LAMA3: variants seen among roughly 807,000 people sequenced by gnomAD.
LAMA3 encodes laminin subunit alpha-3.
LAMA3 carries 281 observed loss-of-function variants against 402.0 expected under a neutral mutation model. That is an observed-to-expected ratio of 0.70 (90% CI 0.63 to 0.77). The LOEUF (loss-of-function observed/expected upper bound fraction) is 0.77. Ranked by LOEUF, LAMA3 falls within the 30% of genes least tolerant of loss-of-function variation. The probability of loss-of-function intolerance (pLI) is 0.00; values close to 1 mark genes in which losing one functional copy is unlikely to be tolerated. For synonymous variants in LAMA3, 1,431 were observed against 1,558.4 expected (o/e 0.92, Z 1.93); for missense variants, 3,840 against 4,215.5 (o/e 0.91, Z 2.47).
At chr18:23,718,185 G>C (rs1248409254) in intron 2 of LAMA3, among the ~76,000 whole-genome samples, 1 of 152,192 alleles carries the variant, frequency 6.6e-6, no homozygotes, top group Non-Finnish European at 1.5e-5. Context: ...GATCTCTCCC[G>C]TGAGATCGGA....
Position 23,946,224 on chromosome 18 carries a change from C to G in LAMA3, c.9291C>G (p.Asn3097Lys). The G allele has an allele frequency of 1.2e-6, 2 of 1,614,076 alleles. No individual in the cohort carries two copies. Among genetic ancestry groups the G allele is most frequent in the Non-Finnish European group, 1.7e-6 (2 of 1,179,984 alleles). Reference protein sequence around the residue: ...LRAREGSLPGNSTISIRAPVY... With the variant: ...LRAREGSLPGKSTISIRAPVY... The stretch of plus-strand genomic sequence containing the variant: ...CCCGGGAGGGAAGTTTGCCTGGAAA[C>G]TCCACCATCAGCATCAGAGCGCCAG... The change falls in exon 70 of 75, where the codon AAC (asparagine) becomes AAG (lysine). Residue 3097 changes from asparagine (N) to lysine (K), a missense_variant. Coordinates refer to ENST00000313654, the MANE Select transcript of LAMA3 (RefSeq NM_198129.4).
At chr18:23,730,144 T>TA (rs1234525359) in intron 2 of LAMA3, among the ~76,000 whole-genome samples, 1 of 152,202 alleles carries the variant, frequency 6.6e-6, no homozygotes, top group Non-Finnish European at 1.5e-5. Context: ...ACTAGAAGCA[T>TA]AGGGGCAAAT....
In LAMA3 at chr18:23,912,720, C is replaced by G. The variant is rs761158495; in HGVS notation, c.7168C>G (p.Pro2390Ala). The G allele has an allele frequency of 2.5e-6, 4 of 1,613,922 alleles. No individual in the cohort carries two copies. The South Asian group carries it at 3.3e-5, about 13-fold the overall frequency. Reference protein sequence around the residue: ...ARDAASKVAVPMRFNGKSGVE... With the variant: ...ARDAASKVAVAMRFNGKSGVE... ...AACTTACTCCTCACAGGTTGCTGTC[C>G]CCATGAGGTTCAATGGTAAATCTGG... The change falls in exon 56 of 75, where the codon CCC becomes GCC. Residue 2390 changes from proline (P) to alanine (A), a missense_variant. By Grantham distance (27) the Pro-to-Ala change is conservative. Coordinates refer to ENST00000313654, the MANE Select transcript of LAMA3 (RefSeq NM_198129.4).
At chr18:23,921,357 G>T in intron 61 of LAMA3, 95 bp from the exon 62 acceptor site, 1 of 1,346,452 alleles carries the variant, frequency 7.4e-7, no homozygotes, top group Non-Finnish European at 1.0e-6. Flanking sequence ...AATGAATCTG[G>T]GGGAAGATAA....
At chr18:23,897,533 C>T (rs2080915753) in intron 44 of LAMA3, among the ~76,000 whole-genome samples, 1 of 152,164 alleles carries the variant, frequency 6.6e-6, no homozygotes, top group Non-Finnish European at 1.5e-5. Context: ...GTCTCACAAC[C>T]TCCTCATGAG....
At chr18:23,762,369 A>T (rs1238226613) in intron 7 of LAMA3, among the ~76,000 whole-genome samples, 1 of 151,968 alleles carries the variant, frequency 6.6e-6, no homozygotes, top group Non-Finnish European at 1.5e-5. Context: ...CGGGCAGGTC[A>T]CTTGAGGTCA....
chr18:23,849,323 A>G (rs767231649), intron 32 of LAMA3, among the ~76,000 whole-genome samples: 2 of 152,222 alleles, frequency 1.3e-5, no homozygotes, highest in African/African-American at 4.8e-5. Flanking sequence ...AAATATTCCA[A>G]GTCTTTAAAA....
rs1181742615 is a variant in LAMA3, at chr18:23,915,298, C to T, written c.7654C>T (p.Arg2552Ter). The change falls in exon 59 of 75, where the codon CGA becomes TGA. Residue 2552 changes from arginine to a stop codon, truncating the protein, a stop_gained. Transcript: ENST00000313654. LOFTEE classifies it high-confidence loss of function. ...GYPPDFKLPS[R>*]LSFPPYKGCI... is the part of the protein sequence containing the mutation. ...TTTATTTCATTTTCAGCTTCCCAGT[C>T]GACTAAGTTTCCCTCCATACAAAGG... The T allele has an allele frequency of 3.1e-6, 5 of 1,613,414 alleles. No homozygotes were observed. The highest frequency in any genetic ancestry group is 1.3e-5 in the African/African-American group (1 of 74,898).
Position 23,951,745 on chromosome 18 carries a change from C to CT in LAMA3, c.9705dup (p.Leu3236SerfsTer3), listed in dbSNP as rs780052962. Reference sequence around the variant, plus strand: ...TCAACGTCGGTCACACCAAAGCAGTCTCTGTGTGATGGACAGTGGCACTCG... The same window carrying CT: ...TCAACGTCGGTCACACCAAAGCAGTCTTCTGTGTGATGGACAGTGGCACTCG... On this transcript the variant is annotated frameshift_variant, in exon 73 of 75. Transcript: ENST00000313654. LOFTEE classifies it high-confidence loss of function. 47 of 1,613,776 alleles carry CT rather than the reference C, an allele frequency of 2.9e-5. No individual in the cohort carries two copies. Among genetic ancestry groups the CT allele is most frequent in the Admixed American group, 1.5e-4 (9 of 59,994 alleles).
rs1302709811 is a variant in LAMA3, at chr18:23,918,941, C to T, written c.7924-1994C>T. ...GATGGTTTGGGAAGGTCCCAGCCAG[C>T]CTGAAGGATACATAGAGCAGAGAAG... On this transcript the variant is annotated intron_variant, in intron 60 of 74. Transcript: ENST00000313654. The surrounding 1 kb of genome is among the most constrained non-coding windows in gnomAD (Gnocchi z 4.1). Among the ~76,000 whole-genome samples, 1 of 152,222 alleles carries T rather than the reference C, an allele frequency of 6.6e-6. No individual in the cohort carries two copies. The highest frequency in any genetic ancestry group is 2.4e-5 in the African/African-American group (1 of 41,532).
chr18:23,692,067 C>T (rs1012749836), intron 1 of LAMA3, among the ~76,000 whole-genome samples: 3 of 152,174 alleles, frequency 2.0e-5, no homozygotes, highest in Admixed American at 6.5e-5. Context: ...TTGAAGTAAG[C>T]GAGGGGCCCT....
chr18:23,906,018 G>A (rs1451963942), intron 52 of LAMA3, among the ~76,000 whole-genome samples: 2 of 152,072 alleles, frequency 1.3e-5, no homozygotes, highest in Non-Finnish European at 2.9e-5. Flanking sequence ...TCCTGTCTCA[G>A]CTTCCCAAAA....
In LAMA3 at chr18:23,689,750, C is replaced by T. The variant is rs1413334163; in HGVS notation, c.67C>T (p.Leu23=). Residue 23 remains leucine (L), a synonymous_variant, in exon 1 of 75, where the codon CTG becomes TTG. Coordinates refer to ENST00000313654, the MANE Select transcript of LAMA3 (RefSeq NM_198129.4). ...GPVLPPTPLL[L]LVLRVLPACG... ...AGTACTGCCGCCGACGCCGCTGCTC[C>T]TGCTGGTACTGCGGGTGCTGCCAGC... is the stretch of plus-strand genomic sequence containing the variant. 3 of 1,512,310 alleles carry T rather than the reference C, an allele frequency of 2.0e-6. No homozygotes were observed. Among genetic ancestry groups the T allele is most frequent in the Admixed American group, 4.1e-5 (2 of 48,778 alleles). The allele number at this position is 1,512,310 out of a possible 1,614,324, so 93.7% of individuals were successfully genotyped here. A position where few individuals can be genotyped will look rare whatever the true frequency, so the allele number is the denominator to read the frequency against.
At chr18:23,748,170 T>C (rs942284693) in intron 3 of LAMA3, 110 bp downstream of exon 3, 10 of 800,462 alleles carry the variant, frequency 1.2e-5, no homozygotes, top group Non-Finnish European at 1.7e-5. Context: ...GGCTCACCCC[T>C]ATAATCCCAG....
At chr18:23,891,377 C>T (rs2080658066) in intron 42 of LAMA3, among the ~76,000 whole-genome samples, 1 of 152,160 alleles carries the variant, frequency 6.6e-6, no homozygotes, top group South Asian at 2.1e-4. Flanking sequence ...TGGAGGAAAC[C>T]AGAAGTAGTT....
At chr18:23,870,743 C>T (rs761944969) in intron 37 of LAMA3, among the ~76,000 whole-genome samples, 6 of 152,120 alleles carry the variant, frequency 3.9e-5, no homozygotes, top group South Asian at 4.1e-4. Context: ...CACAAAAGGA[C>T]GAATACTTCA....
At chr18:23,921,236 A>T (rs2081825854) in intron 61 of LAMA3, among the ~76,000 whole-genome samples, 182 bp downstream of exon 61, 1 of 152,230 alleles carries the variant, frequency 6.6e-6, no homozygotes. Context: ...CATATACATG[A>T]TATCTATAAA....
chr18:23,795,734 T>TA (rs530213801), intron 12 of LAMA3, among the ~76,000 whole-genome samples: 7,901 of 151,870 alleles, frequency 0.052, 474 homozygotes, highest in Admixed American at 0.17. Context: ...ATATTTTTTT[T>TA]AATCTATAAA....
intron 12 of LAMA3, among the ~76,000 whole-genome samples, chr18:23,786,773 A>G (rs1297925882): frequency 1.3e-5 from 2 of 152,254 alleles, no homozygotes; most frequent in Non-Finnish European, 2.9e-5. Flanking sequence ...TGATGACAAC[A>G]TCTAATTGAA....
Sources: allele counts gnomAD v4.1 joint callset (sites outside exome capture counted in the v4.1 genomes callset), GRCh38; gene constraint gnomAD v4.1.1; non-coding constraint Gnocchi (gnomAD v3.1); transcripts MANE v1.5; gene names NCBI Gene and HGNC (gene_info 2026-07-23, HGNC 2026-07-21).